The following UTY variants were observed in gnomAD, a reference collection of about 807,000 sequenced individuals.
UTY encodes the protein ubiquitously transcribed tetratricopeptide repeat containing, Y-linked, also known as histone demethylase UTY.
A neutral mutation model predicts 32.5 loss-of-function variants in UTY; 12 were observed. That is an observed-to-expected ratio of 0.37 (90% CI 0.24 to 0.60). The LOEUF (loss-of-function observed/expected upper bound fraction) is 0.60, where lower values mean the gene tolerates loss of function less well. Among genes scored for constraint, UTY ranks in the 20% least tolerant of loss-of-function variants. The pLI is 0.69. For missense variants in UTY, 303 were observed against 299.2 expected, an observed-to-expected ratio of 1.01 and a Z score of -0.09; for synonymous variants, 131 against 103.4, an observed-to-expected ratio of 1.27 and a Z score of -1.62.
At chrY:13,247,637 G>A, downstream of UTY, among the ~76,000 whole-genome samples, 1 of 33,295 alleles carries the variant, frequency 3.0e-5, no homozygotes, top group Admixed American at 2.7e-4. Flanking sequence ...AGGAGGCAGA[G>A]GTTGCAGTGA....
intron 2 of UTY, among the ~76,000 whole-genome samples, chrY:13,475,481 G>A: frequency 3.0e-5 from 1 of 33,716 alleles, no homozygotes; most frequent in African/African-American, 1.2e-4. Flanking sequence ...GGGATCATTC[G>A]TTAGCATCAC....
intron 27 of UTY, among the ~76,000 whole-genome samples, chrY:13,283,124 G>A (rs2057134663): frequency 2.9e-5 from 1 of 34,480 alleles, no homozygotes; most frequent in Admixed American, 2.5e-4. Flanking sequence ...CTTTTGTTCC[G>A]GTTTTGACTT....
At chrY:13,295,579 C>G (rs2148701937) in intron 27 of UTY, among the ~76,000 whole-genome samples, 2 of 33,918 alleles carry the variant, frequency 5.9e-5, no homozygotes, top group East Asian at 7.7e-4. Context: ...TGTTCCTGCA[C>G]CAACTCGAAA....
At chrY:13,259,026 G>A (rs2055045748) in intron 28 of UTY, among the ~76,000 whole-genome samples, 5 of 34,539 alleles carry the variant, frequency 1.4e-4, no homozygotes, top group Non-Finnish European at 2.9e-4. Flanking sequence ...GTGGAAAACC[G>A]CTTAAAGGCA....
chrY:13,363,793 T>C lies in UTY; in HGVS notation c.866+2474A>G, dbSNP rs748944473. The stretch of plus-strand genomic sequence containing the variant: ...TATATAACAGTGCCGGCTCTAAGCC[T>C]AAATCCTACTTAGTTCACTTGCTCT... On this transcript the variant is annotated intron_variant, in intron 10 of 29. Transcript: ENST00000545955. 5.9e-4 allele frequency among the ~76,000 whole-genome samples: 20 copies of C among 33,875 alleles called. No homozygotes were observed. The South Asian group carries it at 0.013, about 22-fold the overall frequency. The allele number at this position is 33,875 out of a possible 37,273, so 90.9% of individuals were successfully genotyped here.
chrY:13,299,108 G>C lies in UTY; in HGVS notation c.3717C>G (p.Pro1239=). The C allele has an allele frequency of 2.6e-6, 1 of 381,243 alleles. No homozygotes were observed. The highest frequency in any genetic ancestry group is 3.6e-6 in the Non-Finnish European group (1 of 274,486). ...NLNFLMSSWW[P]NLEDLYEANV... is the part of the protein sequence containing the mutation. Reference sequence around the variant, plus strand: ...TTGCTTCATAAAGATCTTCAAGGTTGGGCCACCAAGAACTCATTAAAAAAT... The same window carrying C: ...TTGCTTCATAAAGATCTTCAAGGTTCGGCCACCAAGAACTCATTAAAAAAT... The change falls in exon 26 of 30, where the codon CCC becomes CCG. Residue 1239 remains proline (P), a synonymous_variant. Transcript: ENST00000545955.
chrY:13,361,445 G>A, intron 10 of UTY, among the ~76,000 whole-genome samples: 1 of 32,965 alleles, frequency 3.0e-5, no homozygotes, highest in African/African-American at 1.2e-4. Flanking sequence ...AAGAACTATA[G>A]GGGAAATAAC....
intron 3 of UTY, among the ~76,000 whole-genome samples, chrY:13,463,940 C>T: frequency 5.9e-5 from 2 of 34,036 alleles, no homozygotes; most frequent in South Asian, 1.3e-3. Flanking sequence ...TACATGAAGA[C>T]GTTGTGTATT....
At chrY:13,351,734 C>T (rs970887579) in intron 17 of UTY, among the ~76,000 whole-genome samples, 1 of 33,422 alleles carries the variant, frequency 3.0e-5, no homozygotes, top group Non-Finnish European at 7.4e-5. Context: ...AACAGTTGCC[C>T]CCAGGTAACT....
At chrY:13,265,055 G>A in intron 27 of UTY, among the ~76,000 whole-genome samples, 1 of 33,354 alleles carries the variant, frequency 3.0e-5, no homozygotes, top group Non-Finnish European at 7.4e-5. Context: ...GGTTGTAGAT[G>A]TGAGGCGTTA....
intron 27 of UTY, among the ~76,000 whole-genome samples, chrY:13,271,740 A>C: frequency 2.9e-5 from 1 of 34,114 alleles, no homozygotes; most frequent in African/African-American, 1.1e-4. Flanking sequence ...TGATGCAGCA[A>C]GGCAAAGGAA....
Position 13,432,722 on chromosome Y carries a change from G to A in UTY, c.375+16295C>T. Among the ~76,000 whole-genome samples the A allele has an allele frequency of 2.7e-4, 9 of 33,779 alleles. No homozygotes were observed. In the South Asian group the frequency reaches 6.0e-3, roughly 22 times the overall value. 90.6% of individuals were successfully genotyped at this position (33,779 alleles called of 37,273 possible). On this transcript the variant is annotated intron_variant, in intron 4 of 29. Transcript: ENST00000545955. ...CAAACAATGTCGTAGGCAAAAGGAT[G>A]TTAACAACAAGCACACCACTGAGAC...
chrY:13,350,010 T>C (rs2062222806), intron 17 of UTY, among the ~76,000 whole-genome samples: 2 of 33,257 alleles, frequency 6.0e-5, no homozygotes, highest in African/African-American at 1.2e-4. Context: ...TTAGTGTCCT[T>C]ACAAAAGAGG....
chrY:13,430,324 G>C, intron 4 of UTY, among the ~76,000 whole-genome samples: 1 of 33,467 alleles, frequency 3.0e-5, no homozygotes, highest in Non-Finnish European at 7.4e-5. Flanking sequence ...GATTTTGGCT[G>C]TGAATCCATA....
At chrY:13,237,655 A>C in intron 28 of UTY, among the ~76,000 whole-genome samples, 1 of 33,244 alleles carries the variant, frequency 3.0e-5, no homozygotes, top group African/African-American at 1.2e-4. Context: ...ACATTCCTTG[A>C]GACCTAAGCA....
rs761920360 is a variant in UTY, at chrY:13,361,536, T to C, written c.867-1008A>G. 1.6e-4 allele frequency among the ~76,000 whole-genome samples: 5 copies of C among 31,340 alleles called. No homozygotes were observed. The South Asian group carries it at 3.5e-3, about 22-fold the overall frequency. The allele number at this position is 31,340 out of a possible 37,273, so 84.1% of individuals were successfully genotyped here. A position where few individuals can be genotyped will look rare whatever the true frequency, so the allele number is the denominator to read the frequency against. On this transcript the variant is annotated intron_variant, in intron 10 of 29. Coordinates refer to ENST00000545955, the MANE Select transcript of UTY (RefSeq NM_001258249.2). ...AAGACTTGATGATGTGATTAGAGAG[T>C]AGGGGTTGGGGGGGCAATTGTTATA...
rs2058622840 is a variant in UTY, at chrY:13,305,451, C to T, written c.3513G>A (p.Leu1171=). 2.5e-6 allele frequency: 1 copy of T among 394,284 alleles called. No homozygotes were observed. Among genetic ancestry groups the T allele is most frequent in the Non-Finnish European group, 3.5e-6 (1 of 281,987 alleles). The change falls in exon 24 of 30, where the codon CTG becomes CTA. Residue 1171 remains leucine, a synonymous_variant. Coordinates refer to ENST00000545955, the MANE Select transcript of UTY (RefSeq NM_001258249.2). ...NLLTHVGHTI[L]GMNTVQLYMK... ...TATACAGTTGTACTGTATTCATGCC[C>T]AGAATGGTATGCCCAACATGGGTTA...
chrY:13,285,009 T>C (rs2057267473), intron 27 of UTY, among the ~76,000 whole-genome samples: 1 of 34,499 alleles, frequency 2.9e-5, no homozygotes, highest in Non-Finnish European at 7.3e-5. Context: ...CTCTCTGCTA[T>C]ATCCCAGAAT....
chrY:13,436,113 AG>A (rs2074533697), intron 4 of UTY, among the ~76,000 whole-genome samples: 1 of 33,167 alleles, frequency 3.0e-5, no homozygotes, highest in Non-Finnish European at 7.5e-5. Context: ...GGGAGCAAAG[AG>A]AAAGTGAAAC....
Sources: gnomAD v4.1 joint callset for allele counts (sites outside exome capture counted in the v4.1 genomes callset) on GRCh38, gnomAD v4.1.1 for gene constraint, MANE v1.5 for transcripts, NCBI Gene and HGNC (gene_info 2026-07-23, HGNC 2026-07-21) for gene names.